The following ACYP2 variants were observed in gnomAD, a reference collection of about 807,000 sequenced individuals.
The protein encoded by ACYP2 is acylphosphatase 2.
In ACYP2, 12 loss-of-function variants were observed where a neutral mutation model predicts 11.2. The observed-to-expected ratio is 1.08, with a 90% confidence interval of 0.69 to 1.74. The LOEUF (loss-of-function observed/expected upper bound fraction) is 1.74. ACYP2 is among the 40% of genes most tolerant of loss of function. The pLI, the probability that ACYP2 is intolerant of heterozygous loss-of-function variation, is 0.00. For synonymous variants in ACYP2, 43 were observed against 32.2 expected (o/e 1.33, Z -1.13); for missense variants, 134 against 101.9 (o/e 1.31, Z -1.35).
intron 6 of ACYP2, among the ~76,000 whole-genome samples, chr2:54,266,001 A>G (rs1377161395): frequency 1.3e-5 from 2 of 152,356 alleles, no homozygotes; most frequent in South Asian, 2.1e-4. Flanking sequence ...TATTATGCCC[A>G]TAAAAAAACC....
chr2:54,047,913 A>G (rs1374159678), intron 2 of ACYP2, among the ~76,000 whole-genome samples: 2 of 152,190 alleles, frequency 1.3e-5, no homozygotes, highest in East Asian at 1.9e-4. Flanking sequence ...GTCAATGGCT[A>G]GGGAGATAGA....
At position 54,068,044 on chromosome 2, in the gene ACYP2, C is replaced by T. The variant is rs555383541; in HGVS notation, c.277+10684C>T. Among the ~76,000 whole-genome samples the T allele has an allele frequency of 3.9e-5, 6 of 152,268 alleles. No homozygotes were observed. In the East Asian group the frequency reaches 7.7e-4, roughly 20 times the overall value. On this transcript the variant is annotated intron_variant, in intron 4 of 6. Transcript: ENST00000607452. ...TACAGGTGTATTTTGTCATGGCAGT[C>T]GTCCAGTTGGAGTGGGTCACTGATA... is the stretch of plus-strand genomic sequence containing the variant.
At chr2:54,177,779 A>G (rs1466121554) in intron 6 of ACYP2, among the ~76,000 whole-genome samples, 1 of 151,718 alleles carries the variant, frequency 6.6e-6, no homozygotes, top group Non-Finnish European at 1.5e-5. Flanking sequence ...GGGTTTTACC[A>G]TGTTGGCCAG....
intron 6 of ACYP2, among the ~76,000 whole-genome samples, chr2:54,153,017 T>G (rs1210248208): frequency 2.0e-5 from 3 of 152,188 alleles, no homozygotes; most frequent in Non-Finnish European, 4.4e-5. Context: ...AAAAATGTAT[T>G]TTTTCAAAAT....
intron 2 of ACYP2, among the ~76,000 whole-genome samples, chr2:54,026,414 G>A (rs1183131474): frequency 6.6e-6 from 1 of 152,192 alleles, no homozygotes; most frequent in South Asian, 2.1e-4. Context: ...AAAAATAGAT[G>A]TTGGCATGAA....
chr2:54,115,514 C>G, intron 4 of ACYP2, 101 bp from the exon 1 acceptor site: 6 of 1,452,616 alleles, frequency 4.1e-6, no homozygotes, highest in Non-Finnish European at 5.5e-6. Flanking sequence ...CGGCTGCCCT[C>G]GCTCCCAGGC....
intron 2 of ACYP2, among the ~76,000 whole-genome samples, chr2:54,043,177 G>C (rs1232510826): frequency 1.3e-5 from 2 of 152,102 alleles, no homozygotes; most frequent in Non-Finnish European, 2.9e-5. Context: ...TTGAGTTCAG[G>C]ATTGCCAAAC....
chr2:54,134,103 A>G (rs1288838530), intron 4 of ACYP2, among the ~76,000 whole-genome samples: 1 of 152,200 alleles, frequency 6.6e-6, no homozygotes, highest in African/African-American at 2.4e-5. Context: ...GATTCTAAGA[A>G]TCATTTCCAT....
chr2:54,133,421 C>CT (rs34361625), intron 4 of ACYP2, among the ~76,000 whole-genome samples: 13 of 151,608 alleles, frequency 8.6e-5, no homozygotes, highest in African/African-American at 2.4e-4. Context: ...AATTTAAGCA[C>CT]TTTTTTTTTC....
intron 6 of ACYP2, among the ~76,000 whole-genome samples, chr2:54,158,403 A>G (rs1031138740): frequency 6.6e-6 from 1 of 151,470 alleles, no homozygotes; most frequent in Non-Finnish European, 1.5e-5. Context: ...ACGGGGTCTC[A>G]CTGTGTTGCC....
chr2:54,106,835 C>T (rs10177109), intron 4 of ACYP2, among the ~76,000 whole-genome samples: 6,935 of 152,180 alleles, frequency 0.046, 551 homozygotes, highest in African/African-American at 0.16. Context: ...CGCCCCCCCT[C>T]GGCCTCCCAA....
At chr2:54,091,862 G>C (rs532201548) in intron 4 of ACYP2, among the ~76,000 whole-genome samples, 1 of 152,214 alleles carries the variant, frequency 6.6e-6, no homozygotes, top group African/African-American at 2.4e-5. Context: ...TCTAGTTCCA[G>C]GTCTCTTTGT....
At chr2:54,289,682 C>T (rs1289168064) in intron 6 of ACYP2, among the ~76,000 whole-genome samples, 1 of 151,922 alleles carries the variant, frequency 6.6e-6, no homozygotes, top group Non-Finnish European at 1.5e-5. Context: ...AGGCAGCCAC[C>T]TACCAACTAA....
intron 6 of ACYP2, among the ~76,000 whole-genome samples, chr2:54,168,626 C>T (rs1683105954): frequency 6.6e-6 from 1 of 151,746 alleles, no homozygotes; most frequent in African/African-American, 2.4e-5. Flanking sequence ...TGTAGTAGAG[C>T]CATTATTGTT....
At chr2:54,223,441 T>C (rs1432969389) in intron 6 of ACYP2, among the ~76,000 whole-genome samples, 1 of 152,226 alleles carries the variant, frequency 6.6e-6, no homozygotes, top group Non-Finnish European at 1.5e-5. Context: ...GCTTTTTCTG[T>C]AGTTTTTCCC....
intron 6 of ACYP2, among the ~76,000 whole-genome samples, chr2:54,297,473 G>C (rs1689566521): frequency 6.6e-6 from 1 of 152,072 alleles, no homozygotes; most frequent in Non-Finnish European, 1.5e-5. Context: ...ATTCCAACCT[G>C]GGTGACAAAG....
chr2:54,150,710 C>T (rs1682116740), intron 6 of ACYP2, among the ~76,000 whole-genome samples: 1 of 151,136 alleles, frequency 6.6e-6, no homozygotes, highest in African/African-American at 2.4e-5. Flanking sequence ...GTGTGAGCCA[C>T]GGCGCTTGGC....
chr2:54,006,594 C>T (rs1294903395), intron 2 of ACYP2, among the ~76,000 whole-genome samples: 1 of 152,064 alleles, frequency 6.6e-6, no homozygotes, highest in African/African-American at 2.4e-5. Context: ...CAGTCAGTAT[C>T]TCTCTCTATT....
At chr2:54,139,824 C>T (rs1681502433) in intron 6 of ACYP2, among the ~76,000 whole-genome samples, 1 of 152,096 alleles carries the variant, frequency 6.6e-6, no homozygotes, top group African/African-American at 2.4e-5. Flanking sequence ...CTTTATTAAC[C>T]TCTGACAAGG....
Sources: allele counts gnomAD v4.1 joint callset (sites outside exome capture counted in the v4.1 genomes callset), GRCh38; gene constraint gnomAD v4.1.1; transcripts MANE v1.5; gene names NCBI Gene and HGNC (gene_info 2026-07-23, HGNC 2026-07-21).